SGCZ: variants seen among roughly 807,000 people sequenced by gnomAD.
SGCZ encodes sarcoglycan zeta.
SGCZ carries 40 observed loss-of-function variants against 41.3 expected under a neutral mutation model. The ratio of observed to expected loss-of-function variants is 0.97; its 90% confidence interval spans 0.75 to 1.26. The LOEUF (loss-of-function observed/expected upper bound fraction) is 1.26. Ranked by LOEUF, SGCZ falls within the 50% of genes most tolerant of loss-of-function variation. The pLI, the probability that SGCZ is intolerant of heterozygous loss-of-function variation, is 0.00. For missense variants in SGCZ, 552 were observed against 369.8 expected (o/e 1.49, Z -4.04); for synonymous variants, 206 against 137.5 (o/e 1.50, Z -3.49).
chr8:14,265,531 C>G (rs1364336898), intron 3 of SGCZ, among the ~76,000 whole-genome samples: 1 of 152,012 alleles, frequency 6.6e-6, no homozygotes, highest in Non-Finnish European at 1.5e-5. Flanking sequence ...GATGTTAGCT[C>G]TGTTTAGAAA....
intron 2 of SGCZ, among the ~76,000 whole-genome samples, chr8:14,364,775 A>G (rs1190570208): frequency 6.6e-6 from 1 of 151,994 alleles, no homozygotes; most frequent in Non-Finnish European, 1.5e-5. Context: ...GCTCATTTTG[A>G]TATTATACAT....
intron 1 of SGCZ, among the ~76,000 whole-genome samples, chr8:14,887,027 G>A (rs1418921348): frequency 6.6e-6 from 1 of 152,114 alleles, no homozygotes; most frequent in South Asian, 2.1e-4. Context: ...CTGGAAGAAA[G>A]GTGATGCCAT....
At chr8:14,884,700 G>T (rs968016118) in intron 1 of SGCZ, among the ~76,000 whole-genome samples, 1 of 151,834 alleles carries the variant, frequency 6.6e-6, no homozygotes, top group African/African-American at 2.4e-5. Context: ...AGAAAAGGTA[G>T]ATATTTAGTA....
intron 1 of SGCZ, among the ~76,000 whole-genome samples, chr8:15,135,903 G>A (rs1364726899): frequency 6.6e-6 from 1 of 152,304 alleles, no homozygotes. Flanking sequence ...CAGCTCAGGG[G>A]CAGTTGCACA....
chr8:14,127,946 A>C (rs1415010772), intron 5 of SGCZ, among the ~76,000 whole-genome samples: 1 of 152,012 alleles, frequency 6.6e-6, no homozygotes, highest in East Asian at 1.9e-4. Flanking sequence ...AAGTAGACCA[A>C]AGTGTCTGTT....
chr8:15,043,651 T>TA (rs1302215332), intron 1 of SGCZ, among the ~76,000 whole-genome samples: 2 of 152,044 alleles, frequency 1.3e-5, no homozygotes, highest in South Asian at 2.1e-4. Flanking sequence ...TTTTCTATAT[T>TA]AAAAAATTGT....
At chr8:14,774,146 A>G (rs1237927649) in intron 1 of SGCZ, among the ~76,000 whole-genome samples, 1 of 152,296 alleles carries the variant, frequency 6.6e-6, no homozygotes, top group Non-Finnish European at 1.5e-5. Flanking sequence ...GGTTAGCTTT[A>G]TACAATTAGT....
chr8:14,211,570 C>G (rs570432243), intron 4 of SGCZ, among the ~76,000 whole-genome samples: 1 of 152,016 alleles, frequency 6.6e-6, no homozygotes, highest in Non-Finnish European at 1.5e-5. Flanking sequence ...TAAAAGGAAG[C>G]ATTTTAGAGA....
chr8:15,098,459 T>A (rs754076213), intron 1 of SGCZ, among the ~76,000 whole-genome samples: 5 of 152,180 alleles, frequency 3.3e-5, no homozygotes, highest in Non-Finnish European at 7.3e-5. Flanking sequence ...GGTGGCAAAG[T>A]TAGTTACAAA....
At chr8:14,264,503 A>G (rs1799803966) in intron 3 of SGCZ, among the ~76,000 whole-genome samples, 1 of 152,152 alleles carries the variant, frequency 6.6e-6, no homozygotes, top group Admixed American at 6.5e-5. Flanking sequence ...GGCAAACCTC[A>G]GCTTAGGCTG....
intron 1 of SGCZ, among the ~76,000 whole-genome samples, chr8:14,701,505 G>A (rs1809135502): frequency 6.6e-6 from 1 of 151,852 alleles, no homozygotes; most frequent in South Asian, 2.1e-4. Context: ...GGATGTAGAC[G>A]AATGAAAACA....
At chr8:15,003,603 C>G (rs1194587770) in intron 1 of SGCZ, among the ~76,000 whole-genome samples, 1 of 152,100 alleles carries the variant, frequency 6.6e-6, no homozygotes, top group Non-Finnish European at 1.5e-5. Context: ...TATTAATACA[C>G]AAATAGCACG....
In SGCZ at chr8:14,556,161, T is replaced by C. The variant is rs12544494; in HGVS notation, c.40-1235A>G. ...TGTCTTAAGTGTACAATTTTCAGAA[T>C]AACATATTTATTACCAGAAGGATGG... On this transcript the variant is annotated intron_variant, in intron 1 of 7. Coordinates refer to ENST00000382080, the MANE Select transcript of SGCZ (RefSeq NM_139167.4). 6.9e-3 allele frequency among the ~76,000 whole-genome samples: 1,050 copies of C among 151,926 alleles called. 62 individuals carry two copies. The highest frequency in any genetic ancestry group is 0.063 in the Admixed American group (961 of 15,218).
At chr8:15,179,792 G>T (rs898601598) in intron 1 of SGCZ, among the ~76,000 whole-genome samples, 3 of 152,068 alleles carry the variant, frequency 2.0e-5, no homozygotes, top group African/African-American at 7.2e-5. Flanking sequence ...AATAAAAACG[G>T]GTTTGGAAGG....
chr8:14,594,089 T>C (rs572917143), intron 1 of SGCZ, among the ~76,000 whole-genome samples: 9 of 151,890 alleles, frequency 5.9e-5, no homozygotes, highest in African/African-American at 1.9e-4. Flanking sequence ...GTGGGAGAAT[T>C]GCTTCAGCCC....
chr8:14,212,644 C>T (rs1805856808), intron 4 of SGCZ, among the ~76,000 whole-genome samples: 1 of 151,938 alleles, frequency 6.6e-6, no homozygotes, highest in Non-Finnish European at 1.5e-5. Context: ...CCACAATGTC[C>T]AAGATGCAAT....
intron 1 of SGCZ, among the ~76,000 whole-genome samples, chr8:14,586,176 G>A (rs749671903): frequency 7.9e-5 from 12 of 152,096 alleles, no homozygotes; most frequent in Admixed American, 2.6e-4. Flanking sequence ...AATTGAAAAC[G>A]TATGCTGCAT....
chr8:15,150,331 G>A (rs1429295623), intron 1 of SGCZ, among the ~76,000 whole-genome samples: 1 of 152,140 alleles, frequency 6.6e-6, no homozygotes, highest in Non-Finnish European at 1.5e-5. Flanking sequence ...AAAAGTTTCA[G>A]TTAGACCCTG....
In SGCZ at chr8:14,157,359, T is replaced by TGTGA. The variant is rs1554469419; in HGVS notation, c.547+7220_547+7221insTCAC. On this transcript the variant is annotated intron_variant, in intron 5 of 7. Coordinates refer to ENST00000382080, the MANE Select transcript of SGCZ (RefSeq NM_139167.4). ...CTCTGTGTGTGTGTGTGTGTGTGTG[T>TGTGA]GTGTGAGTGTGTGTGTGTGTGTGTG... 9.7e-4 allele frequency among the ~76,000 whole-genome samples: 125 copies of TGTGA among 129,140 alleles called. 1 individual carries two copies. Among genetic ancestry groups the TGTGA allele is most frequent in the African/African-American group, 2.9e-3 (104 of 35,820 alleles). The allele number at this position is 129,140 out of a possible 152,430, so 84.7% of individuals were successfully genotyped here.
Sources: allele counts gnomAD v4.1 joint callset (sites outside exome capture counted in the v4.1 genomes callset), GRCh38; gene constraint gnomAD v4.1.1; transcripts MANE v1.5; gene names NCBI Gene and HGNC (gene_info 2026-07-23, HGNC 2026-07-21).